Variants in PCDHGA10 observed in about 807,000 individuals in gnomAD.
PCDHGA10 encodes protocadherin gamma subfamily A, 10.
PCDHGA10 carries 42 observed loss-of-function variants against 59.5 expected under a neutral mutation model. That is an observed-to-expected ratio of 0.71 (90% CI 0.55 to 0.91). The LOEUF is 0.91. Among genes scored for constraint, PCDHGA10 ranks in the 40% least tolerant of loss-of-function variants. The pLI is 0.00. For synonymous variants in PCDHGA10, 511 were observed against 517.2 expected (o/e 0.99, Z 0.16); for missense variants, 1,111 against 1,198.2 (o/e 0.93, Z 1.07).
At chr5:141,420,001 C>T in intron 1 of PCDHGA10, 1 of 1,614,084 alleles carries the variant, frequency 6.2e-7, no homozygotes, top group Non-Finnish European at 8.5e-7. Flanking sequence ...TTGCTCTACG[C>T]CTGCGACAGT....
Position 141,415,098 on chromosome 5 carries a change from G to A in PCDHGA10, c.1923G>A (p.Ala641=). 5 of 1,613,586 alleles carry A rather than the reference G, an allele frequency of 3.1e-6. No homozygotes were observed. The highest frequency in any genetic ancestry group is 4.2e-6 in the Non-Finnish European group (5 of 1,179,988). Residue 641 remains alanine, a synonymous_variant, in exon 1 of 4, where the codon GCG becomes GCA. Coordinates refer to ENST00000398610, the MANE Select transcript of PCDHGA10 (RefSeq NM_018913.3). ...RTARALLDRD[A]LKQSLVVAVQ... ...CGCGAGCCCTGCTGGACAGAGACGC[G>A]CTCAAGCAAAGCCTCGTAGTGGCCG...
intron 1 of PCDHGA10, chr5:141,423,762 G>T: frequency 2.3e-5 from 6 of 264,236 alleles, no homozygotes; most frequent in Non-Finnish European, 3.4e-5. Context: ...GGGGGGGGGT[G>T]GGGCGGCATA....
At chr5:141,500,184 TTTTATTTATTTA>T (rs58019021) in intron 2 of PCDHGA10, among the ~76,000 whole-genome samples, 197 of 135,960 alleles carry the variant, frequency 1.4e-3, no homozygotes, top group African/African-American at 3.6e-3. Context: ...TCATTTTTAT[TTTTATTTATTTA>T]TTTATTTATT....
Position 141,441,798 on chromosome 5 carries a change from CGGGT to C in PCDHGA10, c.2436+26189_2436+26192del, listed in dbSNP as rs1242635625. 6.4e-4 allele frequency: 248 copies of C among 387,326 alleles called. 2 individuals are homozygous for C. The highest frequency in any genetic ancestry group is 4.8e-3 in the African/African-American group (220 of 46,120). 24.0% of individuals were successfully genotyped at this position (387,326 alleles called of 1,614,324 possible). A position where few individuals can be genotyped will look rare whatever the true frequency, so the allele number is the denominator to read the frequency against. ...GGACGACCTGAATGACAACGCACCG[CGGGT>C]GCTGTACCCCAGCTCTGGAGCGCAA... On this transcript the variant is annotated intron_variant, in intron 1 of 3. Transcript: ENST00000398610.
Position 141,485,291 on chromosome 5 carries a change from CAGGA to C in PCDHGA10, c.2437-9512_2437-9509del. ...CCGCTACCCGGTCCCAGAGGAGTCA[CAGGA>C]AGGGACTTTTGTAGGGAATGTCGCT... On this transcript the variant is annotated intron_variant, in intron 1 of 3. Transcript: ENST00000398610. The surrounding 1 kb of genome is among the most constrained non-coding windows in gnomAD (Gnocchi z 5.7). 1 of 1,614,152 alleles carries C rather than the reference CAGGA, an allele frequency of 6.2e-7. No individual in the cohort carries two copies. Among genetic ancestry groups the C allele is most frequent in the Non-Finnish European group, 8.5e-7 (1 of 1,179,992 alleles).
At chr5:141,445,109 T>C (rs571834974) in intron 1 of PCDHGA10, among the ~76,000 whole-genome samples, 23 of 152,246 alleles carry the variant, frequency 1.5e-4, no homozygotes, top group Non-Finnish European at 2.8e-4. Flanking sequence ...TCTAATGTTA[T>C]TGTAAATAGT....
intron 1 of PCDHGA10, among the ~76,000 whole-genome samples, chr5:141,444,095 T>C (rs1012556994): frequency 2.0e-5 from 3 of 150,676 alleles, no homozygotes; most frequent in Admixed American, 1.3e-4. Flanking sequence ...CTGCTAAGGA[T>C]TGGAAACCAA....
intron 1 of PCDHGA10, chr5:141,421,895 GA>G: frequency 6.2e-7 from 1 of 1,613,730 alleles, no homozygotes; most frequent in African/African-American, 1.3e-5. Flanking sequence ...GATCCCATCC[GA>G]AAGGGCGCAG....
chr5:141,479,269 A>C (rs1279389471), intron 1 of PCDHGA10: 1 of 152,374 alleles, frequency 6.6e-6, no homozygotes, highest in Non-Finnish European at 1.5e-5. Context: ...TAAAAGTAAT[A>C]ATTTATTTCA....
Position 141,431,939 on chromosome 5 carries a change from T to A in PCDHGA10, c.2436+16328T>A, listed in dbSNP as rs1377573207. The A allele has an allele frequency of 2.2e-5, 35 of 1,613,996 alleles. No individual in the cohort carries two copies. The highest frequency in any genetic ancestry group is 2.9e-5 in the Non-Finnish European group (34 of 1,180,000). On this transcript the variant is annotated intron_variant, in intron 1 of 3. Coordinates refer to ENST00000398610, the MANE Select transcript of PCDHGA10 (RefSeq NM_018913.3). This position sits in a 1 kb window ranked among gnomAD's most constrained non-coding sequence, Gnocchi z 4.8. ...CATCCAAGGAAATCTGCCCTTTAAA[T>A]TAGAAAAATCTTACGGAAATTACTA...
intron 1 of PCDHGA10, among the ~76,000 whole-genome samples, chr5:141,460,983 G>GTA (rs59296681): frequency 9.4e-4 from 130 of 137,840 alleles, no homozygotes; most frequent in Middle Eastern, 3.8e-3. Context: ...GTGTGTGTGT[G>GTA]TATATATATA....
Position 141,491,445 on chromosome 5 carries a change from C to G in PCDHGA10, c.2437-3362C>G. ...GAGGGCAGTGCTGCAGGCGCCAGGACTCACCCTCCCCGGACTTCTATAAGC... is the reference window on the plus strand; with the variant it reads ...GAGGGCAGTGCTGCAGGCGCCAGGAGTCACCCTCCCCGGACTTCTATAAGC... On this transcript the variant is annotated intron_variant, in intron 1 of 3. Coordinates refer to ENST00000398610, the MANE Select transcript of PCDHGA10 (RefSeq NM_018913.3). This position sits in a 1 kb window ranked among gnomAD's most constrained non-coding sequence, Gnocchi z 6.9. 6.2e-7 allele frequency: 1 copy of G among 1,614,112 alleles called. No individual in the cohort carries two copies. Among genetic ancestry groups the G allele is most frequent in the Non-Finnish European group, 8.5e-7 (1 of 1,180,032 alleles).
At chr5:141,427,416 G>T (rs1457696807) in intron 1 of PCDHGA10, 2 of 466,124 alleles carry the variant, frequency 4.3e-6, no homozygotes, top group South Asian at 3.1e-5. Flanking sequence ...GAGAGAAAAT[G>T]GGGAGGTTAC....
intron 1 of PCDHGA10, chr5:141,441,751 A>G (rs946329290): frequency 5.3e-6 from 2 of 378,094 alleles, no homozygotes; most frequent in African/African-American, 2.2e-5. Flanking sequence ...CTCGGCGTCA[A>G]CGTGAGCCTG....
chr5:141,430,763 A>C, intron 1 of PCDHGA10: 1 of 1,506,248 alleles, frequency 6.6e-7, no homozygotes, highest in Non-Finnish European at 8.9e-7. Flanking sequence ...GATAAGAATG[A>C]TTCCTGCGCG....
Position 141,477,447 on chromosome 5 carries a change from G to C in PCDHGA10, c.2437-17360G>C, listed in dbSNP as rs779097830. On this transcript the variant is annotated intron_variant, in intron 1 of 3. Coordinates refer to ENST00000398610, the MANE Select transcript of PCDHGA10 (RefSeq NM_018913.3). The surrounding 1 kb of genome is among the most constrained non-coding windows in gnomAD (Gnocchi z 4.9). ...TCCCTCTCAGCCCTTACAATAGTGCGTGTTCAAGTGTCCGACATCAATGAC... is the reference window on the plus strand; with the variant it reads ...TCCCTCTCAGCCCTTACAATAGTGCCTGTTCAAGTGTCCGACATCAATGAC... The C allele has an allele frequency of 1.6e-5, 26 of 1,614,098 alleles. No individual in the cohort carries two copies. Among genetic ancestry groups the C allele is most frequent in the Non-Finnish European group, 2.2e-5 (26 of 1,180,016 alleles).
In PCDHGA10 at chr5:141,476,348, G is replaced by T. The variant is rs764669470; in HGVS notation, c.2437-18459G>T. On this transcript the variant is annotated intron_variant, in intron 1 of 3. Transcript: ENST00000398610. This position sits in a 1 kb window ranked among gnomAD's most constrained non-coding sequence, Gnocchi z 7.6. ...GTCTGGAGCTAGCCGAAGATTCTTTGAGGTGAACCGGGAGACCGGAGAGAT... is the reference window on the plus strand; with the variant it reads ...GTCTGGAGCTAGCCGAAGATTCTTTTAGGTGAACCGGGAGACCGGAGAGAT... 1 of 1,614,190 alleles carries T rather than the reference G, an allele frequency of 6.2e-7. No individual in the cohort carries two copies. The highest frequency in any genetic ancestry group is 8.5e-7 in the Non-Finnish European group (1 of 1,180,032).
At position 141,486,169 on chromosome 5, in the gene PCDHGA10, A is replaced by G. The variant is rs2099625537; in HGVS notation, c.2437-8638A>G. The G allele has an allele frequency of 1.2e-6, 2 of 1,614,088 alleles. No individual in the cohort carries two copies. Among genetic ancestry groups the G allele is most frequent in the East Asian group, 2.2e-5 (1 of 44,890 alleles). On this transcript the variant is annotated intron_variant, in intron 1 of 3. Transcript: ENST00000398610. The surrounding 1 kb of genome is among the most constrained non-coding windows in gnomAD (Gnocchi z 5.0). ...ATGGGGGTTCTCCAGCCATGGAGCA[A>G]CATTGCAGCCTTCGAGTGGATCTGC...
intron 1 of PCDHGA10, chr5:141,422,314 C>T: frequency 6.5e-7 from 1 of 1,547,838 alleles, no homozygotes; most frequent in Non-Finnish European, 8.7e-7. Context: ...AAACTCTCCT[C>T]CAGGTACAGT....
Sources: allele counts gnomAD v4.1 joint callset (sites outside exome capture counted in the v4.1 genomes callset), GRCh38; gene constraint gnomAD v4.1.1; non-coding constraint Gnocchi (gnomAD v3.1); transcripts MANE v1.5; gene names NCBI Gene and HGNC (gene_info 2026-07-23, HGNC 2026-07-21).